Variants in GRIA4 observed in about 807,000 individuals in gnomAD.
The protein encoded by GRIA4 is glutamate ionotropic receptor AMPA type subunit 4.
In GRIA4, 34 loss-of-function variants were observed where a neutral mutation model predicts 104.0. The observed-to-expected ratio is 0.33, with a 90% confidence interval of 0.25 to 0.44. The LOEUF is 0.44. Ranked by LOEUF, GRIA4 falls within the 20% of genes least tolerant of loss-of-function variation. GRIA4 has a pLI of 1.00. For missense variants in GRIA4, 750 were observed against 1,096.5 expected (o/e 0.68, Z 4.46); for synonymous variants, 386 against 381.9 (o/e 1.01, Z -0.13).
chr11:105,895,780 G>A (rs1386385067), intron 6 of GRIA4, among the ~76,000 whole-genome samples: 1 of 152,078 alleles, frequency 6.6e-6, no homozygotes, highest in African/African-American at 2.4e-5. Flanking sequence ...CCACACAGGA[G>A]TCCATGAATG....
chr11:105,702,738 A>T (rs1444293052), intron 3 of GRIA4, among the ~76,000 whole-genome samples: 1 of 117,650 alleles, frequency 8.5e-6, no homozygotes, highest in Non-Finnish European at 1.6e-5. Flanking sequence ...TCTGTTACCC[A>T]GGCTGGAGTA....
At chr11:105,935,912 C>T (rs552478099) in intron 14 of GRIA4, among the ~76,000 whole-genome samples, 1 of 152,326 alleles carries the variant, frequency 6.6e-6, no homozygotes, top group African/African-American at 2.4e-5. Context: ...GCTTCCCCCT[C>T]TTTTCCTGTC....
At chr11:105,768,531 A>G (rs1941059586) in intron 4 of GRIA4, among the ~76,000 whole-genome samples, 2 of 152,196 alleles carry the variant, frequency 1.3e-5, no homozygotes, top group African/African-American at 4.8e-5. Flanking sequence ...AAATCTTTCA[A>G]AAAAGGAGAA....
chr11:105,904,557 A>C (rs940957909), intron 8 of GRIA4, among the ~76,000 whole-genome samples: 1 of 152,152 alleles, frequency 6.6e-6, no homozygotes, highest in African/African-American at 2.4e-5. Context: ...GAGATCTTTA[A>C]ATTGCTTTGT....
chr11:105,691,497 A>G (rs1953081932), intron 3 of GRIA4, among the ~76,000 whole-genome samples: 1 of 152,202 alleles, frequency 6.6e-6, no homozygotes, highest in Admixed American at 6.5e-5. Flanking sequence ...GCTTGGCTTA[A>G]TTAAAAATTA....
intron 5 of GRIA4, among the ~76,000 whole-genome samples, chr11:105,871,618 G>A (rs1188018043): frequency 6.6e-6 from 1 of 151,714 alleles, no homozygotes; most frequent in Non-Finnish European, 1.5e-5. Flanking sequence ...CCACTTCAGA[G>A]GAAGCTGGTT....
At chr11:105,643,014 A>G (rs1407167131) in intron 3 of GRIA4, among the ~76,000 whole-genome samples, 1 of 152,118 alleles carries the variant, frequency 6.6e-6, no homozygotes, top group Non-Finnish European at 1.5e-5. Context: ...AGAAGTGCTG[A>G]GCAATAGGGG....
At chr11:105,867,871 C>G (rs1945483557) in intron 5 of GRIA4, among the ~76,000 whole-genome samples, 1 of 152,118 alleles carries the variant, frequency 6.6e-6, no homozygotes, top group Admixed American at 6.6e-5. Flanking sequence ...TACACTCTGA[C>G]AGTAGGAATG....
intron 12 of GRIA4, among the ~76,000 whole-genome samples, chr11:105,925,782 G>A (rs1421724366): frequency 6.6e-6 from 1 of 152,036 alleles, no homozygotes. Context: ...ATAATAGCAA[G>A]TATTATAATA....
intron 5 of GRIA4, among the ~76,000 whole-genome samples, chr11:105,868,070 T>C (rs1945493439): frequency 6.6e-6 from 1 of 152,162 alleles, no homozygotes; most frequent in Admixed American, 6.6e-5. Flanking sequence ...CAAAATAATT[T>C]GATGGCTTCA....
intron 14 of GRIA4, among the ~76,000 whole-genome samples, chr11:105,959,755 T>C (rs1948687348): frequency 6.6e-6 from 1 of 152,216 alleles, no homozygotes. Context: ...GTTTCGTTCT[T>C]TGAGGCTGCT....
intron 3 of GRIA4, among the ~76,000 whole-genome samples, chr11:105,715,779 A>G (rs1954070596): frequency 6.6e-6 from 1 of 152,112 alleles, no homozygotes; most frequent in South Asian, 2.1e-4. Flanking sequence ...CTTTGTCTTA[A>G]GGGACCCAGG....
chr11:105,957,128 C>G (rs538150662), intron 14 of GRIA4, among the ~76,000 whole-genome samples: 1 of 152,058 alleles, frequency 6.6e-6, no homozygotes, highest in Non-Finnish European at 1.5e-5. Context: ...ATCCCATTTG[C>G]CAATTTTTGC....
intron 3 of GRIA4, among the ~76,000 whole-genome samples, chr11:105,648,443 C>T (rs955835190): frequency 1.3e-5 from 2 of 150,944 alleles, no homozygotes; most frequent in African/African-American, 4.8e-5. Flanking sequence ...TAAAATAATG[C>T]TTTTTATAGT....
chr11:105,858,814 A>C (rs1046547159), intron 4 of GRIA4, among the ~76,000 whole-genome samples: 20 of 152,106 alleles, frequency 1.3e-4, no homozygotes, highest in Non-Finnish European at 1.6e-4. Context: ...TCCAGTTCCC[A>C]CATCTTTATC....
chr11:105,729,008 C>T (rs1471265525), intron 3 of GRIA4, among the ~76,000 whole-genome samples: 2 of 152,050 alleles, frequency 1.3e-5, no homozygotes, highest in African/African-American at 4.8e-5. Flanking sequence ...AAGATCAGAG[C>T]TGAACCTTAG....
At chr11:105,698,443 G>A (rs1228975756) in intron 3 of GRIA4, among the ~76,000 whole-genome samples, 2 of 152,236 alleles carry the variant, frequency 1.3e-5, no homozygotes, top group East Asian at 3.9e-4. Flanking sequence ...GGCTTCAGTG[G>A]CACTCAGCTG....
intron 3 of GRIA4, among the ~76,000 whole-genome samples, chr11:105,733,707 T>C (rs11226834): frequency 0.55 from 83,053 of 151,740 alleles, 22,870 homozygotes; most frequent in Admixed American, 0.62. Flanking sequence ...CCTCCCACCT[T>C]GGCCTCCCAG....
At chr11:105,915,784 T>C (rs774392188) in intron 10 of GRIA4, among the ~76,000 whole-genome samples, 6 of 152,200 alleles carry the variant, frequency 3.9e-5, no homozygotes, top group Admixed American at 1.3e-4. Context: ...ATAAATGCAA[T>C]AAGCGCTTCA....
Sources: allele counts gnomAD v4.1 joint callset (sites outside exome capture counted in the v4.1 genomes callset), GRCh38; gene constraint gnomAD v4.1.1; transcripts MANE v1.5; gene names NCBI Gene and HGNC (gene_info 2026-07-23, HGNC 2026-07-21).